Variants in RUNX1 observed in about 807,000 individuals in gnomAD.
The protein encoded by RUNX1 is runt-related transcription factor 1.
RUNX1 carries 19 observed loss-of-function variants against 42.8 expected under a neutral mutation model. The ratio of observed to expected loss-of-function variants is 0.44; its 90% CI spans 0.31 to 0.65. The LOEUF is 0.65. Among genes scored for constraint, RUNX1 ranks in the 30% least tolerant of loss-of-function variants. The pLI, the probability that RUNX1 is intolerant of heterozygous loss-of-function variation, is 0.07. For missense variants in RUNX1, 528 were observed against 672.0 expected (o/e 0.79, Z 2.37); for synonymous variants, 271 against 289.4 (o/e 0.94, Z 0.64).
intron 2 of RUNX1, among the ~76,000 whole-genome samples, chr21:35,009,019 TG>T (rs1412975773): frequency 1.3e-5 from 2 of 152,182 alleles, no homozygotes; most frequent in Non-Finnish European, 2.9e-5. Flanking sequence ...GTGTGTGTGT[TG>T]AATTACAGGC....
At chr21:34,850,798 G>GT (rs2146188798) in intron 6 of RUNX1, among the ~76,000 whole-genome samples, 1 of 151,336 alleles carries the variant, frequency 6.6e-6, no homozygotes, top group East Asian at 1.9e-4. Flanking sequence ...TTAATTAAAT[G>GT]TAAAAAAAAA....
intron 2 of RUNX1, among the ~76,000 whole-genome samples, chr21:34,985,757 T>C (rs1440454015): frequency 6.6e-6 from 1 of 152,164 alleles, no homozygotes; most frequent in African/African-American, 2.4e-5. Flanking sequence ...TATTATATTA[T>C]TATAGTCATT....
At chr21:34,953,024 T>G (rs1019211953) in intron 2 of RUNX1, among the ~76,000 whole-genome samples, 8 of 152,180 alleles carry the variant, frequency 5.3e-5, no homozygotes, top group Non-Finnish European at 1.2e-4. Flanking sequence ...GCTATTGCTA[T>G]TTCCATTTTT....
rs1304843927 is a variant in RUNX1, at chr21:34,872,652, T to C, written c.508+7905A>G. Among the ~76,000 whole-genome samples, 10 of 152,206 alleles carry C rather than the reference T, an allele frequency of 6.6e-5. No homozygotes were observed. The East Asian group carries it at 1.9e-3, about 29-fold the overall frequency. ...AATAAAAGGGGCAAGGGAAACATTT[T>C]ACAACCTATGCATGATCAGGGCGAG... On this transcript the variant is annotated intron_variant, in intron 5 of 8. Coordinates refer to ENST00000675419, the MANE Select transcript of RUNX1 (RefSeq NM_001754.5).
intron 1 of RUNX1, 27 bp downstream of exon 1, chr21:35,049,141 C>T (rs1240991464): frequency 3.9e-6 from 2 of 509,202 alleles, no homozygotes; most frequent in Admixed American, 6.7e-5. Flanking sequence ...GCCAGCGCCG[C>T]CTTGGCTGTG....
chr21:34,887,649 C>G, intron 3 of RUNX1: 8 of 1,079,034 alleles, frequency 7.4e-6, no homozygotes, highest in Non-Finnish European at 9.0e-6. Context: ...TCCCGAAAAG[C>G]AAGAGCTGAG....
At chr21:34,847,279 T>C (rs2146154397) in intron 6 of RUNX1, among the ~76,000 whole-genome samples, 1 of 152,308 alleles carries the variant, frequency 6.6e-6, no homozygotes, top group South Asian at 2.1e-4. Flanking sequence ...AGAGAAAACA[T>C]TAAGATATGT....
intron 2 of RUNX1, among the ~76,000 whole-genome samples, chr21:35,006,439 CCTTCCTCT>C (rs1159051213): frequency 6.6e-6 from 1 of 152,142 alleles, no homozygotes; most frequent in African/African-American, 2.4e-5. Flanking sequence ...TCCAGAGCAC[CCTTCCTCT>C]AGCAGACATA....
chr21:34,805,441 AAAGAG>A (rs1041749267), intron 7 of RUNX1, among the ~76,000 whole-genome samples: 2 of 152,228 alleles, frequency 1.3e-5, no homozygotes, highest in Non-Finnish European at 2.9e-5. Context: ...GCAAAAAACC[AAAGAG>A]AAGAGAAAAT....
intron 2 of RUNX1, among the ~76,000 whole-genome samples, chr21:34,986,274 GGTCCTAT>G (rs1046331217): frequency 1.6e-4 from 24 of 151,886 alleles, no homozygotes; most frequent in Middle Eastern, 6.8e-3. Context: ...AATCACACTG[GGTCCTAT>G]GTCAAAGGCT....
intron 2 of RUNX1, among the ~76,000 whole-genome samples, chr21:34,957,827 G>A (rs1423248150): frequency 1.3e-5 from 2 of 152,150 alleles, no homozygotes; most frequent in African/African-American, 4.8e-5. Context: ...CGAGGCTGAT[G>A]TCATGTCCGG....
At chr21:34,878,840 C>T (rs1409335217) in intron 5 of RUNX1, among the ~76,000 whole-genome samples, 2 of 152,186 alleles carry the variant, frequency 1.3e-5, no homozygotes, top group Admixed American at 1.3e-4. Context: ...TGTGCATTGC[C>T]GGAAAGCCAC....
At chr21:34,940,735 A>G (rs747797797) in intron 2 of RUNX1, among the ~76,000 whole-genome samples, 13 of 152,210 alleles carry the variant, frequency 8.5e-5, no homozygotes, top group Non-Finnish European at 1.8e-4. Context: ...TGCTCCCCAC[A>G]TGAGGTAAGA....
At chr21:34,970,261 C>G (rs1017330018) in intron 2 of RUNX1, among the ~76,000 whole-genome samples, 1 of 152,180 alleles carries the variant, frequency 6.6e-6, no homozygotes, top group Non-Finnish European at 1.5e-5. Context: ...TGTCAGGAGA[C>G]GTGGTGGAGA....
intron 5 of RUNX1, among the ~76,000 whole-genome samples, chr21:34,878,619 C>G (rs1003591572): frequency 2.6e-5 from 4 of 152,044 alleles, no homozygotes; most frequent in African/African-American, 9.7e-5. Context: ...TTTATGCAAA[C>G]TCAAGGGCAT....
intron 1 of RUNX1, 21 bp from the exon 2 acceptor site, chr21:35,048,979 C>G: frequency 8.1e-7 from 1 of 1,237,362 alleles, no homozygotes; most frequent in Non-Finnish European, 1.2e-6. Flanking sequence ...AAAACCAAGA[C>G]AGGTCACTGT....
chr21:34,994,675 A>C (rs1467863872), intron 2 of RUNX1, among the ~76,000 whole-genome samples: 1 of 152,156 alleles, frequency 6.6e-6, no homozygotes, highest in Non-Finnish European at 1.5e-5. Flanking sequence ...TAAAAATTGA[A>C]AATTAAAAAG....
intron 5 of RUNX1, among the ~76,000 whole-genome samples, chr21:34,878,169 CAAAAAAA>C (rs67348360): frequency 9.0e-6 from 1 of 111,608 alleles, no homozygotes; most frequent in Admixed American, 1.0e-4. Flanking sequence ...AAGCAAATTG[CAAAAAAA>C]AAAAAAAAGA....
chr21:34,920,540 G>A (rs1316149521), intron 2 of RUNX1, among the ~76,000 whole-genome samples: 4 of 152,104 alleles, frequency 2.6e-5, no homozygotes, highest in Non-Finnish European at 5.9e-5. Flanking sequence ...TTACATACCT[G>A]GGAACACCTG....
Sources: allele counts gnomAD v4.1 joint callset (sites outside exome capture counted in the v4.1 genomes callset), GRCh38; gene constraint gnomAD v4.1.1; transcripts MANE v1.5; gene names NCBI Gene and HGNC (gene_info 2026-07-23, HGNC 2026-07-21).